Variants in L3MBTL4 observed in about 807,000 individuals in gnomAD.
L3MBTL4 encodes lethal(3)malignant brain tumor-like protein 4.
In L3MBTL4, 70 loss-of-function variants were observed where a neutral mutation model predicts 84.5. The ratio of observed to expected loss-of-function variants is 0.83; its 90% CI spans 0.68 to 1.01. The LOEUF is 1.01. Among genes scored for constraint, L3MBTL4 ranks in the 50% least tolerant of loss-of-function variants. L3MBTL4 has a pLI of 0.00. For missense variants in L3MBTL4, 715 were observed against 754.8 expected (o/e 0.95, Z 0.62); for synonymous variants, 274 against 259.8 (o/e 1.05, Z -0.52).
intron 12 of L3MBTL4, among the ~76,000 whole-genome samples, chr18:6,206,762 T>C (rs2045894972): frequency 6.6e-6 from 1 of 152,216 alleles, no homozygotes; most frequent in African/African-American, 2.4e-5. Context: ...GTATTTCTTT[T>C]AAATCTAGAA....
intron 13 of L3MBTL4, among the ~76,000 whole-genome samples, chr18:6,164,196 G>A (rs2043518686): frequency 6.6e-6 from 1 of 152,234 alleles, no homozygotes; most frequent in Admixed American, 6.5e-5. Context: ...CTGGAACTGG[G>A]TGGAGCCCAC....
intron 12 of L3MBTL4, among the ~76,000 whole-genome samples, chr18:6,204,046 G>A (rs933163779): frequency 6.6e-6 from 1 of 152,152 alleles, no homozygotes; most frequent in Non-Finnish European, 1.5e-5. Flanking sequence ...TGCCCAGCCT[G>A]CTCCTCGGGG....
At chr18:6,258,013 T>A (rs1428139437) in intron 5 of L3MBTL4, among the ~76,000 whole-genome samples, 1 of 151,510 alleles carries the variant, frequency 6.6e-6, no homozygotes, top group Non-Finnish European at 1.5e-5. Context: ...ACTGATGGAG[T>A]AAGATCTCTA....
At chr18:5,977,810 C>A (rs1481200570) in intron 16 of L3MBTL4, among the ~76,000 whole-genome samples, 1 of 152,200 alleles carries the variant, frequency 6.6e-6, no homozygotes, top group Middle Eastern at 3.2e-3. Context: ...GCACAGACTC[C>A]TTGCCACCCT....
chr18:6,246,902 TA>T (rs1045194161), intron 5 of L3MBTL4, among the ~76,000 whole-genome samples: 707 of 140,436 alleles, frequency 5.0e-3, no homozygotes, highest in African/African-American at 0.012. Context: ...AAACTCCAAC[TA>T]AAAAAAAAAA....
intron 10 of L3MBTL4, among the ~76,000 whole-genome samples, chr18:6,219,330 A>C (rs902589086): frequency 7.9e-5 from 12 of 151,916 alleles, no homozygotes; most frequent in African/African-American, 2.7e-4. Context: ...CAAGGCATAG[A>C]ACTGCGACAG....
chr18:6,264,524 C>T (rs1177438669), intron 4 of L3MBTL4, among the ~76,000 whole-genome samples: 3 of 152,198 alleles, frequency 2.0e-5, no homozygotes, highest in African/African-American at 7.2e-5. Flanking sequence ...TGACTCACGC[C>T]TGTAATCCCA....
intron 16 of L3MBTL4, among the ~76,000 whole-genome samples, chr18:5,984,795 G>C (rs995981266): frequency 6.6e-6 from 1 of 152,014 alleles, no homozygotes; most frequent in Admixed American, 6.5e-5. Flanking sequence ...TTGGACCTTG[G>C]CTTTCTTAAT....
At chr18:6,332,214 G>A (rs1476047493) in intron 1 of L3MBTL4, among the ~76,000 whole-genome samples, 1 of 152,218 alleles carries the variant, frequency 6.6e-6, no homozygotes, top group Admixed American at 6.5e-5. Context: ...AGTCAGAGCT[G>A]AGGTAAGGAT....
intron 16 of L3MBTL4, among the ~76,000 whole-genome samples, chr18:6,006,073 A>T (rs2054469534): frequency 2.0e-5 from 3 of 152,194 alleles, no homozygotes; most frequent in African/African-American, 7.2e-5. Flanking sequence ...AAGAAAGCAT[A>T]AGAATGAATT....
In L3MBTL4 at chr18:6,042,638, G is replaced by A. The variant is rs369396940; in HGVS notation, c.1444+38243C>T. ...CTTTTTCCTCTAGCTTTTTCTCTCC[G>A]TACTTGGGAAACAGTGGCCTTTGCC... On this transcript the variant is annotated intron_variant, in intron 16 of 18. Coordinates refer to ENST00000317931, the MANE Select transcript of L3MBTL4 (RefSeq NM_001330559.2). Among the ~76,000 whole-genome samples, 181 of 152,234 alleles carry A rather than the reference G, an allele frequency of 1.2e-3. 2 individuals are homozygous for A. The South Asian group carries it at 0.017, about 14-fold the overall frequency.
At chr18:6,216,950 A>C (rs979715080) in intron 10 of L3MBTL4, among the ~76,000 whole-genome samples, 2 of 152,192 alleles carry the variant, frequency 1.3e-5, no homozygotes, top group Admixed American at 6.6e-5. Context: ...TTTTTAAAAA[A>C]CAGAGTATAT....
intron 12 of L3MBTL4, among the ~76,000 whole-genome samples, chr18:6,191,516 T>C (rs1364903622): frequency 2.0e-5 from 3 of 152,044 alleles, no homozygotes; most frequent in African/African-American, 7.2e-5. Context: ...CATGTTGAGA[T>C]TGAGATATCT....
At chr18:6,358,528 G>C (rs999901250) in intron 1 of L3MBTL4, among the ~76,000 whole-genome samples, 12 of 152,154 alleles carry the variant, frequency 7.9e-5, no homozygotes, top group African/African-American at 2.9e-4. Context: ...AGCATTAAAG[G>C]AAGTCACCCA....
chr18:6,126,259 C>T (rs1366764646), intron 14 of L3MBTL4, among the ~76,000 whole-genome samples: 1 of 152,092 alleles, frequency 6.6e-6, no homozygotes, highest in Non-Finnish European at 1.5e-5. Flanking sequence ...TGACCATAGA[C>T]TAATCTTGTA....
rs548355269 is a variant in L3MBTL4, at chr18:6,357,487, T to C, written c.-90-45431A>G. On this transcript the variant is annotated intron_variant, in intron 1 of 18. Transcript: ENST00000317931. Reference sequence around the variant, plus strand: ...CACCCCCATCATCCCCTACCAATGATCTATTCTAATTCTATGTAGTAAATG... The same window carrying C: ...CACCCCCATCATCCCCTACCAATGACCTATTCTAATTCTATGTAGTAAATG... Among the ~76,000 whole-genome samples, 7 of 152,306 alleles carry C rather than the reference T, an allele frequency of 4.6e-5. No homozygotes were observed. The East Asian group carries it at 1.4e-3, about 29-fold the overall frequency.
At chr18:6,111,789 T>C (rs1302450737) in intron 14 of L3MBTL4, among the ~76,000 whole-genome samples, 1 of 152,214 alleles carries the variant, frequency 6.6e-6, no homozygotes, top group African/African-American at 2.4e-5. Flanking sequence ...CATTGGAGAA[T>C]GATTCAATCT....
chr18:6,346,988 C>T (rs1485398196), intron 1 of L3MBTL4, among the ~76,000 whole-genome samples: 2 of 152,122 alleles, frequency 1.3e-5, no homozygotes, highest in African/African-American at 2.4e-5. Context: ...TGCAGCATTA[C>T]TCAGCCTTTA....
intron 15 of L3MBTL4, among the ~76,000 whole-genome samples, chr18:6,085,483 C>T (rs1380512323): frequency 1.3e-5 from 2 of 152,060 alleles, no homozygotes; most frequent in Non-Finnish European, 2.9e-5. Flanking sequence ...AATTGTAATC[C>T]TTATAATCCC....
Sources: gnomAD v4.1 joint callset for allele counts (sites outside exome capture counted in the v4.1 genomes callset) on GRCh38, gnomAD v4.1.1 for gene constraint, MANE v1.5 for transcripts, NCBI Gene and HGNC (gene_info 2026-07-23, HGNC 2026-07-21) for gene names.